MYO9A: variants seen among roughly 807,000 people sequenced by gnomAD.
The protein encoded by MYO9A is unconventional myosin-IXa.
In MYO9A, 103 loss-of-function variants were observed where a neutral mutation model predicts 293.3. That is an observed-to-expected ratio of 0.35 (90% CI 0.30 to 0.41). MYO9A has a LOEUF of 0.41. Ranked by LOEUF, MYO9A falls within the 10% of genes least tolerant of loss-of-function variation. The pLI is 1.00. For missense variants in MYO9A, 2,685 were observed against 3,033.0 expected (o/e 0.89, Z 2.69); for synonymous variants, 1,001 against 1,035.7 (o/e 0.97, Z 0.64).
intron 40 of MYO9A, among the ~76,000 whole-genome samples, chr15:71,828,334 G>A (rs775167259): frequency 5.9e-5 from 9 of 152,120 alleles, no homozygotes; most frequent in Non-Finnish European, 8.8e-5. Context: ...GGAGATCAGG[G>A]CTCTAACCTT....
chr15:71,976,461 A>C (rs184709848), intron 12 of MYO9A, among the ~76,000 whole-genome samples: 85 of 152,270 alleles, frequency 5.6e-4, no homozygotes, highest in African/African-American at 2.0e-3. Context: ...CTACCTATAT[A>C]ATCTTTTTTC....
chr15:71,831,367 C>T (rs947667780), intron 39 of MYO9A, among the ~76,000 whole-genome samples: 1 of 152,136 alleles, frequency 6.6e-6, no homozygotes, highest in African/African-American at 2.4e-5. Context: ...AGAGATTGGC[C>T]TACAAAGACT....
chr15:72,101,742 G>T (rs1232427901), intron 1 of MYO9A, among the ~76,000 whole-genome samples: 1 of 138,350 alleles, frequency 7.2e-6, no homozygotes, highest in African/African-American at 2.7e-5. Context: ...GGTGAGGGGC[G>T]CCTCTGCCCG....
At chr15:71,966,745 A>G (rs115637490) in intron 13 of MYO9A, among the ~76,000 whole-genome samples, 1,667 of 152,304 alleles carry the variant, frequency 0.011, 26 homozygotes, top group African/African-American at 0.038. Context: ...AAAGTGACTT[A>G]ACTGATCTTC....
chr15:71,870,782 G>A (rs1457955455), intron 32 of MYO9A, among the ~76,000 whole-genome samples: 1 of 152,154 alleles, frequency 6.6e-6, no homozygotes, highest in Non-Finnish European at 1.5e-5. Context: ...CTTCATTTGT[G>A]TGGATTCACT....
intron 6 of MYO9A, among the ~76,000 whole-genome samples, chr15:72,012,112 T>C (rs1396946108): frequency 6.6e-6 from 1 of 152,166 alleles, no homozygotes; most frequent in Non-Finnish European, 1.5e-5. Context: ...AAATAAAGTT[T>C]TGAAATGCTG....
chr15:72,012,416 TCTC>T (rs752519851), intron 6 of MYO9A, among the ~76,000 whole-genome samples: 70 of 152,184 alleles, frequency 4.6e-4, no homozygotes, highest in Non-Finnish European at 8.2e-4. Flanking sequence ...TGCCTCAGCT[TCTC>T]AAGCAGCTGG....
At position 72,019,033 on chromosome 15, in the gene MYO9A, A is replaced by G. The variant is rs2077422602; in HGVS notation, c.1155+6T>C. The G allele has an allele frequency of 6.2e-7, 1 of 1,612,870 alleles. No individual in the cohort carries two copies. The highest frequency in any genetic ancestry group is 8.5e-7 in the Non-Finnish European group (1 of 1,179,062). On this transcript the variant is annotated splice_donor_region_variant and intron_variant, in intron 6 of 41. Transcript: ENST00000356056. ...AAACACAGAATATTTAGGTACTTGT[A>G]CTGACCGGCTCAGAGTCATAGCAAT...
chr15:72,105,278 T>C (rs564674576), intron 1 of MYO9A, among the ~76,000 whole-genome samples: 1 of 152,148 alleles, frequency 6.6e-6, no homozygotes, highest in East Asian at 1.9e-4. Context: ...ACTACTACCG[T>C]GGCATGATCA....
intron 28 of MYO9A, among the ~76,000 whole-genome samples, chr15:71,882,778 T>C (rs1337778063): frequency 6.6e-6 from 1 of 152,158 alleles, no homozygotes; most frequent in East Asian, 1.9e-4. Context: ...TTCCAGTTAC[T>C]ATATGTGCAT....
intron 2 of MYO9A, among the ~76,000 whole-genome samples, chr15:72,037,067 C>T (rs1596444094): frequency 6.6e-6 from 1 of 150,814 alleles, no homozygotes; most frequent in South Asian, 2.1e-4. Context: ...CAGGGTCTCA[C>T]TCTGTCAACC....
intron 1 of MYO9A, among the ~76,000 whole-genome samples, chr15:72,051,174 C>G: frequency 6.6e-6 from 1 of 152,234 alleles, no homozygotes; most frequent in East Asian, 1.9e-4. Flanking sequence ...AAGTGATCCT[C>G]CTGCCTCAGT....
At chr15:71,920,601 A>G (rs2058131061) in intron 18 of MYO9A, among the ~76,000 whole-genome samples, 1 of 152,132 alleles carries the variant, frequency 6.6e-6, no homozygotes, top group African/African-American at 2.4e-5. Flanking sequence ...ATAGCAGCCC[A>G]AACAAACTAA....
chr15:71,837,614 G>A (rs2054993809), intron 39 of MYO9A, among the ~76,000 whole-genome samples: 1 of 151,942 alleles, frequency 6.6e-6, no homozygotes, highest in African/African-American at 2.4e-5. Flanking sequence ...TGAGTTAGCT[G>A]CAAATCTTTT....
Position 71,825,238 on chromosome 15 carries a change from A to ACTAATTCCCTCAAC in MYO9A, c.*1328_*1341dup, listed in dbSNP as rs1301789957. ...CACCCAGTGGTGAAAATGATGTCTTACTAATTCCCTCAACCCAGGGACGAA... is the reference window on the plus strand; with the variant it reads ...CACCCAGTGGTGAAAATGATGTCTTACTAATTCCCTCAACCTAATTCCCTCAACCCAGGGACGAA... On this transcript the variant is annotated 3_prime_UTR_variant, in exon 42 of 42. Coordinates refer to ENST00000356056, the MANE Select transcript of MYO9A (RefSeq NM_006901.4). The ACTAATTCCCTCAAC allele has an allele frequency of 6.6e-6, 1 of 152,218 alleles. No individual in the cohort carries two copies. The highest frequency in any genetic ancestry group is 6.5e-5 in the Admixed American group (1 of 15,278). The allele number at this position is 152,218 out of a possible 1,614,324, so 9.4% of individuals were successfully genotyped here.
intron 13 of MYO9A, among the ~76,000 whole-genome samples, chr15:71,962,678 C>G (rs986168114): frequency 6.6e-6 from 1 of 152,082 alleles, no homozygotes; most frequent in Admixed American, 6.6e-5. Flanking sequence ...TAGTCATAAG[C>G]CATAATTTAC....
chr15:72,001,083 TGA>T (rs1437103477), intron 8 of MYO9A, among the ~76,000 whole-genome samples: 2 of 152,218 alleles, frequency 1.3e-5, no homozygotes, highest in African/African-American at 4.8e-5. Context: ...GCAGTAGCAC[TGA>T]GAGTTCTTAT....
chr15:71,916,596 T>C, intron 18 of MYO9A, 104 bp from the exon 19 acceptor site: 1 of 1,106,726 alleles, frequency 9.0e-7, no homozygotes, highest in South Asian at 1.6e-5. Flanking sequence ...CCATTTCCCA[T>C]CTTAAATGAC....
chr15:72,099,909 C>CAAAAAAAA (rs34892673), intron 1 of MYO9A, among the ~76,000 whole-genome samples: 2 of 39,810 alleles, frequency 5.0e-5, no homozygotes, highest in African/African-American at 1.3e-4. Flanking sequence ...GACTTGGTCT[C>CAAAAAAAA]AAAAAAAAAA....
Sources: gnomAD v4.1 joint callset for allele counts (sites outside exome capture counted in the v4.1 genomes callset) on GRCh38, gnomAD v4.1.1 for gene constraint, MANE v1.5 for transcripts, NCBI Gene and HGNC (gene_info 2026-07-23, HGNC 2026-07-21) for gene names.